The following DTNA variants were observed in gnomAD, a reference collection of about 807,000 sequenced individuals.
DTNA encodes the protein dystrobrevin alpha.
A neutral mutation model predicts 100.7 loss-of-function variants in DTNA; 43 were observed. That is an observed-to-expected ratio of 0.43 (90% CI 0.33 to 0.55). The LOEUF (loss-of-function observed/expected upper bound fraction) is 0.55, where lower values mean the gene tolerates loss of function less well. Ranked by LOEUF, DTNA falls within the 20% of genes least tolerant of loss-of-function variation. DTNA has a pLI of 0.04. For synonymous variants in DTNA, 349 were observed against 347.9 expected, an observed-to-expected ratio of 1.00 and a Z score of -0.04; for missense variants, 798 against 953.9, an observed-to-expected ratio of 0.84 and a Z score of 2.15.
chr18:34,755,492 A>AG, intron 1 of DTNA: 1 of 172,136 alleles, frequency 5.8e-6, no homozygotes, highest in Non-Finnish European at 1.3e-5. Context: ...TGTATAAGGG[A>AG]CAACTGGCAA....
intron 11 of DTNA, among the ~76,000 whole-genome samples, chr18:34,833,262 C>A (rs963317941): frequency 2.6e-5 from 4 of 151,984 alleles, no homozygotes; most frequent in Non-Finnish European, 5.9e-5. Context: ...GATTTTGTTA[C>A]CTTTGGACCC....
chr18:34,666,783 C>A (rs1400671624), intron 1 of DTNA, among the ~76,000 whole-genome samples: 1 of 152,032 alleles, frequency 6.6e-6, no homozygotes, highest in Non-Finnish European at 1.5e-5. Flanking sequence ...TGGTCTACAT[C>A]TCTGTTTTGG....
At chr18:34,548,981 A>G (rs2045101007) in intron 1 of DTNA, among the ~76,000 whole-genome samples, 1 of 152,100 alleles carries the variant, frequency 6.6e-6, no homozygotes, top group Non-Finnish European at 1.5e-5. Flanking sequence ...TTCTTTAGCA[A>G]TCTTCACACA....
At chr18:34,500,937 ATGCCTTT>A (rs1226600588) in intron 1 of DTNA, among the ~76,000 whole-genome samples, 1 of 152,198 alleles carries the variant, frequency 6.6e-6, no homozygotes, top group Non-Finnish European at 1.5e-5. Flanking sequence ...TATAATCTAT[ATGCCTTT>A]TGTTTCCTTT....
intron 17 of DTNA, among the ~76,000 whole-genome samples, chr18:34,869,560 G>A (rs190980105): frequency 7.9e-4 from 121 of 152,276 alleles, no homozygotes; most frequent in African/African-American, 2.7e-3. Flanking sequence ...TGTGGCTTTC[G>A]CCATAATTTG....
chr18:34,871,683 A>T (rs2045982376), intron 17 of DTNA, among the ~76,000 whole-genome samples: 1 of 152,222 alleles, frequency 6.6e-6, no homozygotes, highest in Non-Finnish European at 1.5e-5. Flanking sequence ...CCCAATGCCA[A>T]GAGGCCACTG....
intron 1 of DTNA, among the ~76,000 whole-genome samples, chr18:34,713,391 C>T (rs1192183091): frequency 2.6e-5 from 4 of 152,016 alleles, no homozygotes; most frequent in Admixed American, 6.6e-5. Flanking sequence ...TATAAAATAT[C>T]TTGGTTTTGT....
chr18:34,713,694 A>G (rs2083358748), intron 1 of DTNA, among the ~76,000 whole-genome samples: 1 of 151,794 alleles, frequency 6.6e-6, no homozygotes, highest in African/African-American at 2.4e-5. Context: ...CTTGATGGGG[A>G]TGGCATTGAA....
chr18:34,529,966 C>T (rs2042989647), intron 1 of DTNA, among the ~76,000 whole-genome samples: 4 of 152,100 alleles, frequency 2.6e-5, no homozygotes, highest in African/African-American at 7.2e-5. Flanking sequence ...AATGCAACTA[C>T]CAGGGGCTTT....
chr18:34,763,670 A>G (rs184286297), intron 2 of DTNA, among the ~76,000 whole-genome samples: 1 of 152,288 alleles, frequency 6.6e-6, no homozygotes, highest in East Asian at 1.9e-4. Context: ...TATACAGGTA[A>G]AGCAATAGCT....
At chr18:34,528,897 C>A (rs933744983) in intron 1 of DTNA, among the ~76,000 whole-genome samples, 2 of 152,132 alleles carry the variant, frequency 1.3e-5, no homozygotes, top group Non-Finnish European at 2.9e-5. Context: ...CAACCCTACT[C>A]ACTCACCTGA....
Position 34,820,811 on chromosome 18 carries a change from G to C in DTNA, c.897G>C (p.Leu299=), listed in dbSNP as rs752475998. 2 of 1,613,966 alleles carry C rather than the reference G, an allele frequency of 1.2e-6. No homozygotes were observed. The highest frequency in any genetic ancestry group is 4.5e-5 in the East Asian group (2 of 44,896). ...TCCAGAAATCACCTGCTAAGAAGCT[G>C]ACTAATGCATTAAGCAAGTCCCTGA... ...YTSWKSPAKK[L]TNALSKSLSC... The change falls in exon 9 of 23, where the codon CTG becomes CTC. Residue 299 remains leucine (L), a synonymous_variant. Coordinates refer to ENST00000444659, the MANE Select transcript of DTNA (RefSeq NM_001386795.1).
intron 1 of DTNA, among the ~76,000 whole-genome samples, chr18:34,555,091 G>T (rs1204362216): frequency 7.7e-6 from 1 of 129,192 alleles, no homozygotes; most frequent in Non-Finnish European, 1.6e-5. Context: ...ACTTCTTCCT[G>T]GTTTAGTCTT....
At chr18:34,752,656 C>T (rs561010729) in intron 1 of DTNA, among the ~76,000 whole-genome samples, 5 of 152,268 alleles carry the variant, frequency 3.3e-5, no homozygotes, top group African/African-American at 9.6e-5. Context: ...TTATTTTTCT[C>T]TTATATTTAT....
intron 1 of DTNA, among the ~76,000 whole-genome samples, chr18:34,506,388 C>T (rs2040495316): frequency 6.6e-6 from 1 of 152,192 alleles, no homozygotes; most frequent in East Asian, 1.9e-4. Flanking sequence ...ATGAAAGTCC[C>T]AGCTTTTTAC....
chr18:34,876,663 G>T (rs563269260), intron 18 of DTNA, among the ~76,000 whole-genome samples: 1 of 152,080 alleles, frequency 6.6e-6, no homozygotes, highest in South Asian at 2.1e-4. Context: ...AGGTACTCTC[G>T]TCCATGTAGA....
chr18:34,665,888 T>A (rs1187834610), intron 1 of DTNA, among the ~76,000 whole-genome samples: 4 of 152,208 alleles, frequency 2.6e-5, no homozygotes, highest in Admixed American at 2.6e-4. Context: ...AACATACGTG[T>A]GCATGTGTCT....
chr18:34,747,647 G>T (rs67808054), intron 1 of DTNA, among the ~76,000 whole-genome samples: 16,732 of 152,126 alleles, frequency 0.11, 1,309 homozygotes, highest in African/African-American at 0.22. Context: ...TCCAGCTCCA[G>T]CCATGTTGCT....
intron 1 of DTNA, among the ~76,000 whole-genome samples, chr18:34,498,508 C>T (rs1392725540): frequency 1.3e-5 from 2 of 150,164 alleles, no homozygotes; most frequent in African/African-American, 4.9e-5. Context: ...ATGATTTATT[C>T]CTCAATTTAA....
Sources: gnomAD v4.1 joint callset for allele counts (sites outside exome capture counted in the v4.1 genomes callset) on GRCh38, gnomAD v4.1.1 for gene constraint, MANE v1.5 for transcripts, NCBI Gene and HGNC (gene_info 2026-07-23, HGNC 2026-07-21) for gene names.